KDM5B: variants seen among roughly 807,000 people sequenced by gnomAD.
KDM5B encodes the protein lysine demethylase 5B.
In KDM5B, 144 loss-of-function variants were observed where a neutral mutation model predicts 193.4. The observed-to-expected ratio is 0.74, with a 90% CI of 0.65 to 0.86. KDM5B has a LOEUF of 0.86. Among genes scored for constraint, KDM5B ranks in the 40% least tolerant of loss-of-function variants. The pLI is 0.00. For synonymous variants in KDM5B, 668 were observed against 682.6 expected (o/e 0.98, Z 0.33); for missense variants, 1,833 against 1,886.9 (o/e 0.97, Z 0.53).
In KDM5B at chr1:202,735,490, T is replaced by C. The variant is rs753845812; in HGVS notation, c.3362A>G (p.Lys1121Arg). The change falls in exon 22 of 27, where the codon AAA becomes AGA. Residue 1121 changes from lysine (K) to arginine (R), a missense_variant. By Grantham distance (26) the Lys-to-Arg change is conservative (BLOSUM62 2). Coordinates refer to ENST00000367265, the MANE Select transcript of KDM5B (RefSeq NM_006618.5). ...CTCCAGGTCACTCAGACTCTCTAAT[T>C]TGGTGCTTTTTTTCTTTCCATTTGG... ...PLPNGKKKST[K>R]LESLSDLERA... The C allele has an allele frequency of 6.2e-7, 1 of 1,614,010 alleles. No homozygotes were observed. The highest frequency in any genetic ancestry group is 1.3e-5 in the African/African-American group (1 of 74,928).
chr1:202,772,127 T>C (rs921306455), intron 4 of KDM5B, among the ~76,000 whole-genome samples: 9 of 152,142 alleles, frequency 5.9e-5, no homozygotes, highest in Non-Finnish European at 1.2e-4. Flanking sequence ...AACTATGTTA[T>C]TCTCTTCCTA....
chr1:202,766,900 T>C (rs374767349), intron 5 of KDM5B, 26 bp downstream of exon 5: 2 of 1,554,706 alleles, frequency 1.3e-6, no homozygotes, highest in African/African-American at 2.8e-5. Flanking sequence ...AGAATTCCTT[T>C]TAAATTAACC....
In KDM5B at chr1:202,808,384, G is replaced by A. The variant is rs1355418577; in HGVS notation, c.-79C>T. ...GAGCTCCGCTCGGTCCGAGACCCGT[G>A]CAGACGCGGCTCGAGCAACAGCAAG... is the stretch of plus-strand genomic sequence containing the variant. On this transcript the variant is annotated 5_prime_UTR_variant, in exon 1 of 27. Transcript: ENST00000367265. 3 of 1,325,836 alleles carry A rather than the reference G, an allele frequency of 2.3e-6. No homozygotes were observed. The highest frequency in any genetic ancestry group is 2.7e-5 in the Admixed American group (1 of 36,996). The allele number at this position is 1,325,836 out of a possible 1,614,324, so 82.1% of individuals were successfully genotyped here. A position where few individuals can be genotyped will look rare whatever the true frequency, so the allele number is the denominator to read the frequency against.
Position 202,746,245 on chromosome 1 carries a change from A to C in KDM5B, c.2095T>G (p.Cys699Gly). The change falls in exon 15 of 27, where the codon TGC becomes GGC. Residue 699 changes from cysteine (C) to glycine (G), a missense_variant. Cys to Gly is a radical substitution (Grantham distance 159). This residue lies in a region of KDM5B where 1,379 missense variants were observed against 1,349.6 expected (regional missense o/e 1.02). Coordinates refer to ENST00000367265, the MANE Select transcript of KDM5B (RefSeq NM_006618.5). ...GAACAGGAGATGGCAGACATGAAGC[A>C]TGTAGTTTTGCATTTTACACACTGA... Reference protein sequence around the residue: ...ERQCVKCKTTCFMSAISCSCK... With the variant: ...ERQCVKCKTTGFMSAISCSCK... 6.2e-7 allele frequency: 1 copy of C among 1,613,730 alleles called. No homozygotes were observed. Among genetic ancestry groups the C allele is most frequent in the Non-Finnish European group, 8.5e-7 (1 of 1,179,740 alleles).
chr1:202,768,717 C>CTTTTTTTT (rs11450747), intron 4 of KDM5B, among the ~76,000 whole-genome samples: 1 of 130,430 alleles, frequency 7.7e-6, no homozygotes. Context: ...GTTAACTATT[C>CTTTTTTTT]TTTTTTTTTT....
intron 1 of KDM5B, among the ~76,000 whole-genome samples, chr1:202,799,703 TAAAA>T (rs1167526133): frequency 6.7e-6 from 1 of 150,188 alleles, no homozygotes; most frequent in Non-Finnish European, 1.5e-5. Flanking sequence ...ACGTGATAAA[TAAAA>T]ATATACATAC....
rs369270696 is a variant in KDM5B at position 202,742,430 on chromosome 1, A to G, written c.2550T>C (p.Tyr850=). 5.6e-6 allele frequency: 9 copies of G among 1,614,038 alleles called. No individual in the cohort carries two copies. Among genetic ancestry groups the G allele is most frequent in the Admixed American group, 5.0e-5 (3 of 60,010 alleles). Residue 850 remains tyrosine (Y), a synonymous_variant, in exon 18 of 27, where the codon TAT becomes TAC. Coordinates refer to ENST00000367265, the MANE Select transcript of KDM5B (RefSeq NM_006618.5). ...TCTGACTGAGGACACATGGAAGAGCATACAGCTGTGTTACAAACTGCCGGA... is the reference window on the plus strand; with the variant it reads ...TCTGACTGAGGACACATGGAAGAGCGTACAGCTGTGTTACAAACTGCCGGA... The part of the protein sequence containing the change: ...NELRQFVTQL[Y]ALPCVLSQTP...
At chr1:202,734,314 A>AG (rs1655014394) in intron 22 of KDM5B, among the ~76,000 whole-genome samples, 1 of 149,626 alleles carries the variant, frequency 6.7e-6, no homozygotes, top group Non-Finnish European at 1.5e-5. Flanking sequence ...AAAAAAAAAA[A>AG]GCCTAAAAGC....
chr1:202,808,239 G>A lies in KDM5B; in HGVS notation c.67C>T (p.Leu23=), dbSNP rs1658395223. ...TCGGGTGGAGGCAGGAACTCGCCCA[G>A]CGGGCCCGGGCCCCCGAGGGGCAGC... The part of the protein sequence containing the change: ...PALPLGGPGP[L]GEFLPPPECP... The change falls in exon 1 of 27, where the codon CTG becomes TTG. Residue 23 remains leucine (L), a synonymous_variant. Transcript: ENST00000367265. 1.2e-6 allele frequency: 2 copies of A among 1,611,616 alleles called. No individual in the cohort carries two copies. The highest frequency in any genetic ancestry group is 2.2e-5 in the South Asian group (2 of 91,012).
At chr1:202,780,788 TAAA>T (rs11412721) in intron 1 of KDM5B, among the ~76,000 whole-genome samples, 12 of 129,260 alleles carry the variant, frequency 9.3e-5, no homozygotes, top group South Asian at 7.2e-4. Flanking sequence ...TTGCCATTAC[TAAA>T]AAAAAAAAAA....
chr1:202,801,477 C>G (rs368836725), intron 1 of KDM5B, among the ~76,000 whole-genome samples: 2 of 152,196 alleles, frequency 1.3e-5, no homozygotes, highest in East Asian at 3.8e-4. Flanking sequence ...TGAAATGCCT[C>G]ACTGTCCTAG....
intron 1 of KDM5B, among the ~76,000 whole-genome samples, chr1:202,802,993 A>C (rs1171920141): frequency 6.6e-6 from 1 of 152,110 alleles, no homozygotes; most frequent in Non-Finnish European, 1.5e-5. Flanking sequence ...GAACTGCTTG[A>C]AGCCAGGAGT....
rs867607023 is a variant in KDM5B, at chr1:202,765,084, G to A, written c.712-939C>T. ...TTGCTTTATGCTTTATTCAATCATC[G>A]CAATAAGCCAAATCCTAAGTAGTTA... On this transcript the variant is annotated intron_variant, in intron 5 of 26. Transcript: ENST00000367265. Among the ~76,000 whole-genome samples the A allele has an allele frequency of 4.6e-5, 7 of 152,200 alleles. No homozygotes were observed. In the East Asian group the frequency reaches 9.6e-4, roughly 21 times the overall value.
In KDM5B at chr1:202,745,982, C is replaced by T. The variant is rs777102748; in HGVS notation, c.2199G>A (p.Arg733=). The T allele has an allele frequency of 3.7e-6, 6 of 1,613,698 alleles. No individual in the cohort carries two copies. The Admixed American group carries it at 6.7e-5, about 18-fold the overall frequency. ...AGAGATCATCCAGCGTGTACCTATA[C>T]CTGGAAATAATACCACCACACTTAG... The part of the protein sequence containing the change: ...CSCPPYKYKL[R]YRYTLDDLYP... The change falls in exon 16 of 27, where the codon CGG becomes CGA. Residue 733 remains arginine (R), a splice_region_variant and synonymous_variant. Coordinates refer to ENST00000367265, the MANE Select transcript of KDM5B (RefSeq NM_006618.5).
Position 202,777,072 on chromosome 1 carries a change from C to G in KDM5B, c.227G>C (p.Cys76Ser). The G allele has an allele frequency of 6.2e-7, 1 of 1,613,454 alleles. No homozygotes were observed. The highest frequency in any genetic ancestry group is 8.5e-7 in the Non-Finnish European group (1 of 1,179,440). ...PPPDWQPPFA[C>S]DVDKLHFTPR... ...CGTAAAATGAAGTTTATCAACATCA[C>G]ATGCAAATGGTGGCTGCCAATCCTA... is the stretch of plus-strand genomic sequence containing the variant. The change falls in exon 2 of 27, where the codon TGT becomes TCT. Residue 76 changes from cysteine to serine, a missense_variant. Physicochemically the swap from Cys to Ser is moderately radical, Grantham distance 112. Transcript: ENST00000367265.
At chr1:202,737,810 T>C (rs554545906) in intron 20 of KDM5B, among the ~76,000 whole-genome samples, 1 of 152,236 alleles carries the variant, frequency 6.6e-6, no homozygotes, top group Admixed American at 6.5e-5. Context: ...CTTAAAGAGA[T>C]GACAATTAGG....
At position 202,741,753 on chromosome 1, in the gene KDM5B, A is replaced by C. The variant is rs568931748; in HGVS notation, c.2590-31T>G. On this transcript the variant is annotated intron_variant, in intron 18 of 26. Coordinates refer to ENST00000367265, the MANE Select transcript of KDM5B (RefSeq NM_006618.5). ...AAAAAATACACAGGTTGTTGCATTA[A>C]AACAGTAATTTCAGTAATTGGCTTC... 80 of 1,310,962 alleles carry C rather than the reference A, an allele frequency of 6.1e-5. No individual in the cohort carries two copies. In the African/African-American group the frequency reaches 1.1e-3, roughly 17 times the overall value. 81.2% of individuals were successfully genotyped at this position (1,310,962 alleles called of 1,614,324 possible). A position where few individuals can be genotyped will look rare whatever the true frequency, so the allele number is the denominator to read the frequency against.
rs377740822 is a variant in KDM5B at position 202,755,258 on chromosome 1, T to C, written c.1538+13A>G. 2.5e-6 allele frequency: 4 copies of C among 1,610,868 alleles called. No homozygotes were observed. Among genetic ancestry groups the C allele is most frequent in the Non-Finnish European group, 3.4e-6 (4 of 1,177,264 alleles). On this transcript the variant is annotated intron_variant, in intron 11 of 26. Coordinates refer to ENST00000367265, the MANE Select transcript of KDM5B (RefSeq NM_006618.5). The stretch of plus-strand genomic sequence containing the variant: ...ATGCATACTACTCATGGGTTCTTTT[T>C]GGAACTTCTCACCAGTGCAAGTAGT...
At chr1:202,787,040 C>T (rs1379850878) in intron 1 of KDM5B, among the ~76,000 whole-genome samples, 1 of 151,794 alleles carries the variant, frequency 6.6e-6, no homozygotes, top group Non-Finnish European at 1.5e-5. Context: ...CTTTTTGAGA[C>T]AGGATTTTGC....
Sources: allele counts gnomAD v4.1 joint callset (sites outside exome capture counted in the v4.1 genomes callset), GRCh38; gene constraint gnomAD v4.1.1; regional missense constraint gnomAD v4.1.1; transcripts MANE v1.5; gene names NCBI Gene and HGNC (gene_info 2026-07-23, HGNC 2026-07-21).